The following CEP63 variants were observed in gnomAD, a reference collection of about 807,000 sequenced individuals.
CEP63 encodes centrosomal protein 63, also known as centrosomal protein of 63 kDa.
CEP63 carries 84 observed loss-of-function variants against 89.1 expected under a neutral mutation model. The ratio of observed to expected loss-of-function variants is 0.94; its 90% CI spans 0.79 to 1.13. CEP63 has a LOEUF of 1.13. Ranked by LOEUF, CEP63 falls within the 50% of genes most tolerant of loss-of-function variation. The pLI is 0.00. For synonymous variants in CEP63, 267 were observed against 272.5 expected (o/e 0.98, Z 0.20); for missense variants, 838 against 813.3 (o/e 1.03, Z -0.37).
the CEP63 span, among the ~76,000 whole-genome samples, chr3:134,740,512 T>G: frequency 1.3e-5 from 2 of 152,092 alleles, no homozygotes; most frequent in Non-Finnish European, 2.9e-5. Flanking sequence ...TTAGCCAGGA[T>G]GGTCTCGATC....
At position 134,562,761 on chromosome 3, in the gene CEP63, G is replaced by A. The variant is rs1957463878; in HGVS notation, c.*1226G>A. The A allele has an allele frequency of 6.6e-6, 1 of 152,578 alleles. No homozygotes were observed. The allele number at this position is 152,578 out of a possible 1,614,324, so 9.5% of individuals were successfully genotyped here. ...CAGTGTCTGAGCATCATTCAGCACA[G>A]TTGGACTCTCTCTTGGCTTCTGTGA... On this transcript the variant is annotated 3_prime_UTR_variant, in exon 15 of 15. Transcript: ENST00000675561.
chr3:134,753,935 G>A, the CEP63 span, among the ~76,000 whole-genome samples: 1 of 152,334 alleles, frequency 6.6e-6, no homozygotes, highest in East Asian at 1.9e-4. Context: ...GAGTATCTGT[G>A]AGGTTTGTGC....
intron 3 of CEP63, among the ~76,000 whole-genome samples, chr3:134,510,332 G>A (rs1172591473): frequency 6.6e-6 from 1 of 152,144 alleles, no homozygotes; most frequent in Non-Finnish European, 1.5e-5. Flanking sequence ...TAAAATTAGA[G>A]TCTATATCTC....
the CEP63 span, among the ~76,000 whole-genome samples, chr3:134,596,858 G>T: frequency 1.3e-5 from 2 of 152,214 alleles, no homozygotes; most frequent in African/African-American, 2.4e-5. Context: ...ATGGAAGATA[G>T]GCAGATAATT....
chr3:134,621,424 T>C, the CEP63 span, among the ~76,000 whole-genome samples: 1 of 152,210 alleles, frequency 6.6e-6, no homozygotes, highest in African/African-American at 2.4e-5. Flanking sequence ...ATATCTACGG[T>C]TAGTGGATCT....
chr3:134,577,715 T>G (rs939625145), downstream of CEP63, among the ~76,000 whole-genome samples: 2 of 152,076 alleles, frequency 1.3e-5, no homozygotes, highest in African/African-American at 4.8e-5. Flanking sequence ...CAACCCATCA[T>G]CTAGGTTTTA....
chr3:134,565,815 A>T (rs1036431960), downstream of CEP63, among the ~76,000 whole-genome samples: 5 of 152,014 alleles, frequency 3.3e-5, no homozygotes, highest in African/African-American at 1.2e-4. Flanking sequence ...AAAAGCACAG[A>T]TTTTTTTTGT....
At chr3:134,507,028 C>CT in intron 2 of CEP63, 81 bp from the exon 3 acceptor site, 1 of 927,198 alleles carries the variant, frequency 1.1e-6, no homozygotes, top group South Asian at 1.4e-5. Context: ...AGATTTACAT[C>CT]TGCTATATTT....
intron 2 of CEP63, among the ~76,000 whole-genome samples, chr3:134,501,194 A>G (rs749369994): frequency 5.3e-5 from 8 of 152,090 alleles, no homozygotes; most frequent in African/African-American, 9.7e-5. Context: ...CCATTGGTCT[A>G]TGTGTCCATT....
chr3:134,514,179 G>A (rs1945678918), intron 3 of CEP63, among the ~76,000 whole-genome samples: 1 of 152,030 alleles, frequency 6.6e-6, no homozygotes, highest in Non-Finnish European at 1.5e-5. Flanking sequence ...AAAAATGAGT[G>A]GAAATTTTAG....
At chr3:134,640,779 C>A in the CEP63 span, among the ~76,000 whole-genome samples, 56 of 152,334 alleles carry the variant, frequency 3.7e-4, no homozygotes, top group African/African-American at 1.3e-3. Context: ...AGGTCCCAAG[C>A]CTTGACTCCT....
chr3:134,612,493 A>C, the CEP63 span, among the ~76,000 whole-genome samples: 1 of 152,098 alleles, frequency 6.6e-6, no homozygotes, highest in Non-Finnish European at 1.5e-5. Flanking sequence ...TCTCAGGATG[A>C]GGAAGTCTGG....
At chr3:134,752,461 A>T in the CEP63 span, among the ~76,000 whole-genome samples, 8 of 152,230 alleles carry the variant, frequency 5.3e-5, no homozygotes, top group African/African-American at 1.9e-4. Context: ...TTCCAGCCTC[A>T]TTTCTCCTGC....
At chr3:134,661,442 C>G in the CEP63 span, among the ~76,000 whole-genome samples, 2 of 152,228 alleles carry the variant, frequency 1.3e-5, no homozygotes, top group Admixed American at 1.3e-4. Context: ...GTAATCAACA[C>G]TATGTTCTAG....
chr3:134,538,608 A>T (rs1313333696), intron 6 of CEP63, among the ~76,000 whole-genome samples: 1 of 143,730 alleles, frequency 7.0e-6, no homozygotes, highest in Non-Finnish European at 1.5e-5. Flanking sequence ...TCTTGAGATG[A>T]GGTCTTGCTG....
At chr3:134,488,492 C>A (rs1256013609) in intron 1 of CEP63, among the ~76,000 whole-genome samples, 2 of 151,652 alleles carry the variant, frequency 1.3e-5, no homozygotes, top group African/African-American at 4.8e-5. Flanking sequence ...GCCTGTAATC[C>A]CAGCTACTCG....
chr3:134,662,727 A>G, the CEP63 span, among the ~76,000 whole-genome samples: 1 of 152,252 alleles, frequency 6.6e-6, no homozygotes, highest in Non-Finnish European at 1.5e-5. Flanking sequence ...ATTGAAAAGC[A>G]TGCCACTTGA....
chr3:134,621,100 G>A, the CEP63 span, among the ~76,000 whole-genome samples: 2 of 152,206 alleles, frequency 1.3e-5, no homozygotes, highest in African/African-American at 2.4e-5. Flanking sequence ...CTGCAGATCT[G>A]GGGGCTAGCC....
chr3:134,653,177 C>A, the CEP63 span, among the ~76,000 whole-genome samples: 17 of 152,192 alleles, frequency 1.1e-4, no homozygotes, highest in Non-Finnish European at 2.1e-4. Context: ...ACATTTTGAG[C>A]CAGATAATTC....
Sources: gnomAD v4.1 joint callset for allele counts (sites outside exome capture counted in the v4.1 genomes callset) on GRCh38, gnomAD v4.1.1 for gene constraint, MANE v1.5 for transcripts, NCBI Gene and HGNC (gene_info 2026-07-23, HGNC 2026-07-21) for gene names.